Variants in RBFOX1 observed in about 807,000 individuals in gnomAD.
RBFOX1 encodes RNA binding protein fox-1 homolog 1.
In RBFOX1, 8 loss-of-function variants were observed where a neutral mutation model predicts 57.7. The ratio of observed to expected loss-of-function variants is 0.14; its 90% CI spans 0.08 to 0.25. The LOEUF (loss-of-function observed/expected upper bound fraction) is 0.25, where lower values mean the gene tolerates loss of function less well. Among genes scored for constraint, RBFOX1 ranks in the 10% least tolerant of loss-of-function variants. The pLI is 1.00. For synonymous variants in RBFOX1, 326 were observed against 222.4 expected (o/e 1.47, Z -4.15); for missense variants, 611 against 548.5 (o/e 1.11, Z -1.14).
intron 10 of RBFOX1, among the ~76,000 whole-genome samples, chr16:7,619,022 T>C (rs1213691352): frequency 6.6e-6 from 1 of 152,258 alleles, no homozygotes; most frequent in Admixed American, 6.5e-5. Context: ...TTCATTAAAC[T>C]GTATACCATT....
chr16:6,552,318 C>T (rs1300288038), intron 2 of RBFOX1, among the ~76,000 whole-genome samples: 4 of 152,036 alleles, frequency 2.6e-5, no homozygotes, highest in Admixed American at 2.0e-4. Context: ...CCAATCATAC[C>T]AGTGAATCAG....
At chr16:5,395,056 C>G (rs909709872) in intron 1 of RBFOX1, among the ~76,000 whole-genome samples, 8 of 152,218 alleles carry the variant, frequency 5.3e-5, no homozygotes, top group African/African-American at 1.9e-4. Context: ...CCTTCAGAAT[C>G]TCTTCCCAAC....
chr16:6,478,408 T>TATATAC (rs2095310512), intron 2 of RBFOX1, among the ~76,000 whole-genome samples: 1 of 22,332 alleles, frequency 4.5e-5, no homozygotes, highest in African/African-American at 2.2e-4. Flanking sequence ...TATATATATA[T>TATATAC]ATATATATAT....
chr16:7,023,012 T>C (rs935172871), intron 3 of RBFOX1, among the ~76,000 whole-genome samples: 23 of 152,256 alleles, frequency 1.5e-4, no homozygotes, highest in African/African-American at 5.5e-4. Flanking sequence ...TGGCATTTAA[T>C]GTGAAGGTTG....
intron 2 of RBFOX1, among the ~76,000 whole-genome samples, chr16:6,394,317 G>T (rs750445549): frequency 1.3e-5 from 2 of 152,210 alleles, no homozygotes; most frequent in African/African-American, 4.8e-5. Flanking sequence ...GAAGTGCTGA[G>T]ATCCACAGAT....
intron 4 of RBFOX1, among the ~76,000 whole-genome samples, chr16:7,132,851 C>G (rs1257628258): frequency 1.3e-5 from 2 of 152,018 alleles, no homozygotes; most frequent in Non-Finnish European, 2.9e-5. Context: ...TGCCATAAAG[C>G]AAGAGAATGC....
chr16:6,893,385 G>C (rs8063824), intron 3 of RBFOX1, among the ~76,000 whole-genome samples: 120,217 of 152,126 alleles, frequency 0.79, 48,393 homozygotes, highest in African/African-American at 0.95. Flanking sequence ...TAAAAAGAAG[G>C]CTTTCTTTAT....
chr16:6,835,860 G>C (rs12445812), intron 3 of RBFOX1, among the ~76,000 whole-genome samples: 3 of 151,430 alleles, frequency 2.0e-5, no homozygotes, highest in African/African-American at 4.9e-5. Flanking sequence ...AGGGACCCAG[G>C]CTCCTTCCCT....
chr16:7,342,972 A>G (rs1455205141), intron 4 of RBFOX1, among the ~76,000 whole-genome samples: 2 of 152,038 alleles, frequency 1.3e-5, no homozygotes, highest in Non-Finnish European at 2.9e-5. Flanking sequence ...CCTTGCCCAA[A>G]TCTTTGTCCA....
chr16:6,922,188 C>T (rs1396969337), intron 3 of RBFOX1, among the ~76,000 whole-genome samples: 2 of 152,096 alleles, frequency 1.3e-5, no homozygotes, highest in African/African-American at 4.8e-5. Context: ...GGGGTAGGTG[C>T]AATTCAGTGG....
At chr16:5,547,387 T>G (rs1310994405) in intron 2 of RBFOX1, among the ~76,000 whole-genome samples, 1 of 152,160 alleles carries the variant, frequency 6.6e-6, no homozygotes, top group East Asian at 1.9e-4. Flanking sequence ...TAGAAAACAA[T>G]TTGTGGCACA....
chr16:5,831,630 C>G (rs1025360463), intron 3 of RBFOX1, among the ~76,000 whole-genome samples: 3 of 151,940 alleles, frequency 2.0e-5, no homozygotes, highest in African/African-American at 4.8e-5. Flanking sequence ...GCTGGGGTTA[C>G]AGGTGCCCAC....
intron 3 of RBFOX1, among the ~76,000 whole-genome samples, chr16:6,682,129 G>C (rs886864886): frequency 6.6e-6 from 1 of 152,194 alleles, no homozygotes; most frequent in Non-Finnish European, 1.5e-5. Context: ...ATAGTGAAGT[G>C]CCTGTGCCTT....
chr16:7,061,057 T>C (rs1039334854), intron 4 of RBFOX1, among the ~76,000 whole-genome samples: 1 of 151,602 alleles, frequency 6.6e-6, no homozygotes, highest in Non-Finnish European at 1.5e-5. Flanking sequence ...CGTGCACACA[T>C]ACAAGGAAAA....
At chr16:7,057,360 C>G (rs2052667004) in intron 4 of RBFOX1, among the ~76,000 whole-genome samples, 2 of 152,196 alleles carry the variant, frequency 1.3e-5, no homozygotes, top group South Asian at 2.1e-4. Context: ...AATGGGAAAG[C>G]TGCCTGAACT....
chr16:6,005,326 G>A (rs769261194), intron 4 of RBFOX1, among the ~76,000 whole-genome samples: 2 of 152,294 alleles, frequency 1.3e-5, no homozygotes, highest in East Asian at 3.9e-4. Context: ...AGCCCATCTG[G>A]ACACTCATTC....
chr16:7,663,832 T>C (rs1385752430), intron 12 of RBFOX1, among the ~76,000 whole-genome samples: 1 of 152,226 alleles, frequency 6.6e-6, no homozygotes, highest in Non-Finnish European at 1.5e-5. Context: ...CATATGATTC[T>C]CGTTAAACTC....
At chr16:6,680,031 C>G (rs2058388142) in intron 3 of RBFOX1, among the ~76,000 whole-genome samples, 1 of 151,818 alleles carries the variant, frequency 6.6e-6, no homozygotes, top group Admixed American at 6.6e-5. Flanking sequence ...AGAGTTCAAC[C>G]CAGTTCTGCT....
At chr16:5,551,531 C>T (rs1056809810) in intron 2 of RBFOX1, among the ~76,000 whole-genome samples, 2 of 152,324 alleles carry the variant, frequency 1.3e-5, no homozygotes, top group East Asian at 1.9e-4. Flanking sequence ...TCCGAATCCA[C>T]TCTGCTTTGG....
Sources: allele counts gnomAD v4.1 joint callset (sites outside exome capture counted in the v4.1 genomes callset), GRCh38; gene constraint gnomAD v4.1.1; transcripts MANE v1.5; gene names NCBI Gene and HGNC (gene_info 2026-07-23, HGNC 2026-07-21).